NLGN1: variants seen among roughly 807,000 people sequenced by gnomAD.
The protein encoded by NLGN1 is neuroligin 1, also known as neuroligin-1.
Under a neutral mutation model 65.5 loss-of-function variants are expected in NLGN1, and 12 were observed. The ratio of observed to expected loss-of-function variants is 0.18; its 90% CI spans 0.12 to 0.30. The LOEUF is 0.30. NLGN1 is among the 10% of genes least tolerant of loss of function. NLGN1 has a pLI of 1.00. For synonymous variants in NLGN1, 350 were observed against 359.5 expected (o/e 0.97, Z 0.30); for missense variants, 750 against 1,007.1 (o/e 0.74, Z 3.46).
At chr3:174,032,808 T>C (rs1196579261) in intron 4 of NLGN1, among the ~76,000 whole-genome samples, 4 of 152,068 alleles carry the variant, frequency 2.6e-5, no homozygotes, top group African/African-American at 9.7e-5. Flanking sequence ...GTCAGAGGCT[T>C]ATCCCAGTGG....
intron 4 of NLGN1, among the ~76,000 whole-genome samples, chr3:174,049,848 C>G (rs1305123540): frequency 6.6e-6 from 1 of 151,892 alleles, no homozygotes; most frequent in Non-Finnish European, 1.5e-5. Flanking sequence ...GCTAAGTAAT[C>G]AATATCATGT....
At chr3:173,675,887 T>TCTCTCTCTCTCTCTCTCTCA (rs756157881) in intron 3 of NLGN1, among the ~76,000 whole-genome samples, 1 of 138,578 alleles carries the variant, frequency 7.2e-6, no homozygotes, top group African/African-American at 2.8e-5. Context: ...TCTCTCTCTC[T>TCTCTCTCTCTCTCTCTCTCA]CACACACACA....
chr3:174,230,279 C>T (rs1227889626), intron 4 of NLGN1, among the ~76,000 whole-genome samples: 2 of 152,096 alleles, frequency 1.3e-5, no homozygotes, highest in East Asian at 1.9e-4. Flanking sequence ...TAATCATGAA[C>T]TCTTAAACTT....
intron 3 of NLGN1, among the ~76,000 whole-genome samples, chr3:173,752,325 G>A (rs1776413111): frequency 6.6e-6 from 1 of 151,506 alleles, no homozygotes; most frequent in Non-Finnish European, 1.5e-5. Context: ...CTTTCTTTTT[G>A]CCCTCTGCCC....
chr3:173,920,295 A>G (rs538006898), intron 4 of NLGN1, among the ~76,000 whole-genome samples: 2 of 152,292 alleles, frequency 1.3e-5, no homozygotes, highest in South Asian at 4.1e-4. Flanking sequence ...CTCCTAAAGC[A>G]GGTGTGTTAG....
At chr3:173,946,560 C>T (rs114081867) in intron 4 of NLGN1, among the ~76,000 whole-genome samples, 1 of 152,252 alleles carries the variant, frequency 6.6e-6, no homozygotes, top group African/African-American at 2.4e-5. Context: ...CATAAATTAT[C>T]TCTGTGCGGT....
intron 2 of NLGN1, among the ~76,000 whole-genome samples, chr3:173,439,576 G>A (rs184972663): frequency 1.3e-5 from 2 of 150,898 alleles, no homozygotes; most frequent in East Asian, 3.9e-4. Flanking sequence ...TATATTGTAG[G>A]TTTTGTTCCA....
intron 4 of NLGN1, among the ~76,000 whole-genome samples, chr3:174,161,265 A>G (rs1252421129): frequency 6.6e-6 from 1 of 151,880 alleles, no homozygotes; most frequent in Non-Finnish European, 1.5e-5. Context: ...AAAAATCACC[A>G]TATAACTGTT....
intron 1 of NLGN1, among the ~76,000 whole-genome samples, chr3:173,400,965 C>G (rs1050511736): frequency 3.9e-5 from 6 of 152,138 alleles, no homozygotes; most frequent in Non-Finnish European, 8.8e-5. Context: ...AGCATTTTAT[C>G]AGGCTTCTTC....
chr3:173,954,471 G>A (rs1171247517), intron 4 of NLGN1, among the ~76,000 whole-genome samples: 1 of 152,092 alleles, frequency 6.6e-6, no homozygotes, highest in Admixed American at 6.5e-5. Context: ...AATTTGCTTT[G>A]CAAGATAAAT....
At chr3:173,585,947 A>G (rs1747366634) in intron 2 of NLGN1, among the ~76,000 whole-genome samples, 1 of 152,224 alleles carries the variant, frequency 6.6e-6, no homozygotes, top group African/African-American at 2.4e-5. Flanking sequence ...ATCAGTGAAT[A>G]TGAATTGACT....
At chr3:173,814,503 C>T (rs1008018113) in intron 4 of NLGN1, among the ~76,000 whole-genome samples, 2 of 152,070 alleles carry the variant, frequency 1.3e-5, no homozygotes, top group Non-Finnish European at 2.9e-5. Context: ...TATTTTTATT[C>T]CCTTACTCCC....
chr3:174,157,417 A>G (rs1202189809), intron 4 of NLGN1, among the ~76,000 whole-genome samples: 2 of 151,952 alleles, frequency 1.3e-5, no homozygotes, highest in East Asian at 1.9e-4. Flanking sequence ...ATAAGTCACT[A>G]TTAAATATGA....
At chr3:173,980,889 T>C (rs1266947641) in intron 4 of NLGN1, among the ~76,000 whole-genome samples, 1 of 152,192 alleles carries the variant, frequency 6.6e-6, no homozygotes, top group East Asian at 1.9e-4. Flanking sequence ...GAATTTTCTT[T>C]TGGAGAAATT....
chr3:173,758,152 G>A (rs1313882752), intron 3 of NLGN1, among the ~76,000 whole-genome samples: 1 of 152,030 alleles, frequency 6.6e-6, no homozygotes, highest in Non-Finnish European at 1.5e-5. Context: ...CATGTAATGA[G>A]CAAAGGCTAT....
Position 174,280,587 on chromosome 3 carries a change from C to T in NLGN1, c.1756C>T (p.Leu586Phe). The stretch of plus-strand genomic sequence containing the variant: ...ATATTCCCAGAAAGACCAACTTTAT[C>T]TCCATATTGGATTAAAACCAAGAGT... The change falls in exon 7 of 7, where the codon CTC (leucine) becomes TTC (phenylalanine). Residue 586 changes from leucine (L) to phenylalanine (F), a missense_variant. Transcript: ENST00000457714. This position sits in a 1 kb window ranked among gnomAD's most constrained non-coding sequence, Gnocchi z 4.9. 6.2e-7 allele frequency: 1 copy of T among 1,613,192 alleles called. No individual in the cohort carries two copies. The highest frequency in any genetic ancestry group is 8.5e-7 in the Non-Finnish European group (1 of 1,179,492).
At chr3:173,913,781 G>A (rs978333878) in intron 4 of NLGN1, among the ~76,000 whole-genome samples, 4 of 152,118 alleles carry the variant, frequency 2.6e-5, no homozygotes, top group Non-Finnish European at 5.9e-5. Flanking sequence ...TAACTATAAG[G>A]TGTTCTTAAT....
chr3:173,925,059 A>G (rs1742764594), intron 4 of NLGN1, among the ~76,000 whole-genome samples: 1 of 152,190 alleles, frequency 6.6e-6, no homozygotes, highest in Non-Finnish European at 1.5e-5. Flanking sequence ...ATAATAACAC[A>G]GAAACATTGA....
chr3:173,697,348 A>G (rs1766378156), intron 3 of NLGN1, among the ~76,000 whole-genome samples: 1 of 152,108 alleles, frequency 6.6e-6, no homozygotes, highest in Non-Finnish European at 1.5e-5. Flanking sequence ...AATCTGCCCT[A>G]CCTTTACCTT....
Sources: gnomAD v4.1 joint callset for allele counts (sites outside exome capture counted in the v4.1 genomes callset) on GRCh38, gnomAD v4.1.1 for gene constraint, Gnocchi (gnomAD v3.1) non-coding constraint, MANE v1.5 for transcripts, NCBI Gene and HGNC (gene_info 2026-07-23, HGNC 2026-07-21) for gene names.